HERC1: variants seen among roughly 807,000 people sequenced by gnomAD.
The protein encoded by HERC1 is probable E3 ubiquitin-protein ligase HERC1.
Under a neutral mutation model 554.3 loss-of-function variants are expected in HERC1, and 160 were observed. The ratio of observed to expected loss-of-function variants is 0.29; its 90% CI spans 0.25 to 0.33. The LOEUF (loss-of-function observed/expected upper bound fraction) is 0.33. Among genes scored for constraint, HERC1 ranks in the 10% least tolerant of loss-of-function variants. The pLI is 1.00. For missense variants in HERC1, 4,919 were observed against 5,918.5 expected, an observed-to-expected ratio of 0.83 and a Z score of 5.54; for synonymous variants, 2,175 against 2,131.7, an observed-to-expected ratio of 1.02 and a Z score of -0.56.
intron 1 of HERC1, among the ~76,000 whole-genome samples, chr15:63,784,232 T>C (rs1209825264): frequency 5.3e-5 from 8 of 151,188 alleles, no homozygotes; most frequent in Non-Finnish European, 8.9e-5. Context: ...CAGTGGAAAA[T>C]ATTTTCAAAT....
At chr15:63,769,233 C>T (rs745748562) in intron 2 of HERC1, among the ~76,000 whole-genome samples, 1 of 152,112 alleles carries the variant, frequency 6.6e-6, no homozygotes, top group South Asian at 2.1e-4. Flanking sequence ...GCCTGGCCAA[C>T]ATGGCAAAAC....
At chr15:63,654,632 C>T (rs1290820132) in intron 50 of HERC1, among the ~76,000 whole-genome samples, 1 of 151,738 alleles carries the variant, frequency 6.6e-6, no homozygotes, top group East Asian at 1.9e-4. Flanking sequence ...GTGGGAGGAT[C>T]ACCTGAGGTC....
intron 53 of HERC1, among the ~76,000 whole-genome samples, chr15:63,650,453 G>A (rs2069612290): frequency 6.8e-6 from 1 of 146,096 alleles, no homozygotes; most frequent in South Asian, 2.2e-4. Flanking sequence ...TTGCTGTGTT[G>A]CCCAGGTTGG....
chr15:63,658,501 C>T (rs761631167), intron 48 of HERC1, 43 bp downstream of exon 48: 57 of 1,555,728 alleles, frequency 3.7e-5, no homozygotes, highest in Non-Finnish European at 4.1e-5. Context: ...CTAATGTACA[C>T]TAGAAGTTAA....
intron 2 of HERC1, among the ~76,000 whole-genome samples, chr15:63,771,119 G>A (rs1472187222): frequency 1.3e-5 from 2 of 151,928 alleles, no homozygotes; most frequent in Non-Finnish European, 2.9e-5. Flanking sequence ...AACCCAGGAG[G>A]CAGAGGTTGC....
chr15:63,826,529 A>G (rs1350568076), intron 1 of HERC1, among the ~76,000 whole-genome samples: 4 of 151,942 alleles, frequency 2.6e-5, no homozygotes, highest in East Asian at 3.9e-4. Flanking sequence ...TTAAACCCCA[A>G]AAGTATTTTA....
chr15:63,726,631 A>G (rs1338064996), intron 17 of HERC1, among the ~76,000 whole-genome samples: 2 of 152,184 alleles, frequency 1.3e-5, no homozygotes, highest in African/African-American at 4.8e-5. Context: ...TCCAAAATGG[A>G]CTTAAGAAGA....
chr15:63,738,491 T>C (rs1402815518), intron 12 of HERC1, among the ~76,000 whole-genome samples: 2 of 152,288 alleles, frequency 1.3e-5, no homozygotes, highest in East Asian at 3.9e-4. Context: ...GGAAGGTGGG[T>C]GAGAGACATA....
In HERC1 at chr15:63,713,368, C is replaced by A. The variant is rs774995914; in HGVS notation, c.4448G>T (p.Gly1483Val). 1 of 1,613,656 alleles carries A rather than the reference C, an allele frequency of 6.2e-7. No homozygotes were observed. The highest frequency in any genetic ancestry group is 1.3e-5 in the African/African-American group (1 of 74,930). Residue 1483 changes from glycine to valine, a missense_variant, in exon 23 of 78, where the codon GGT becomes GTT. Gly to Val is a moderately radical substitution (Grantham distance 109). Coordinates refer to ENST00000443617, the MANE Select transcript of HERC1 (RefSeq NM_003922.4). The part of the protein sequence containing the change: ...QQPSTSASEG[G>V]GLMTRSESLT... ...TCAGTCCCACCTGGTCATAAGTCCA[C>A]CCCCTTCAGAGGCACTTGTTGAAGG...
In HERC1 at chr15:63,676,479, G is replaced by C. The variant is rs540880993; in HGVS notation, c.7071-1362C>G. ...CACTGTTTTAGATATTGTTCCGGCC[G>C]AGCGTGGTGGCTCATGTCTGTAATC... On this transcript the variant is annotated intron_variant, in intron 37 of 77. Transcript: ENST00000443617. Among the ~76,000 whole-genome samples the C allele has an allele frequency of 1.7e-4, 26 of 152,268 alleles. No individual in the cohort carries two copies. The South Asian group carries it at 5.4e-3, about 32-fold the overall frequency.
In HERC1 at chr15:63,680,475, T is replaced by A; in HGVS notation, c.6465+62A>T. On this transcript the variant is annotated intron_variant, in intron 35 of 77. Transcript: ENST00000443617. This position sits in a 1 kb window ranked among gnomAD's most constrained non-coding sequence, Gnocchi z 5.8. Reference sequence around the variant, plus strand: ...ATAAACTGAATACGTGGCACTTGAATAACCGAGTTGACTATAAATAGAAAC... The same window carrying A: ...ATAAACTGAATACGTGGCACTTGAAAAACCGAGTTGACTATAAATAGAAAC... 3.2e-6 allele frequency: 5 copies of A among 1,557,862 alleles called. No homozygotes were observed. In the South Asian group the frequency reaches 5.9e-5, roughly 18 times the overall value.
intron 1 of HERC1, among the ~76,000 whole-genome samples, chr15:63,814,647 T>C (rs1038698082): frequency 6.6e-6 from 1 of 152,162 alleles, no homozygotes; most frequent in Non-Finnish European, 1.5e-5. Flanking sequence ...TTTTGTATTT[T>C]TAGTAGAGAC....
chr15:63,650,600 G>C (rs538213043), intron 53 of HERC1, among the ~76,000 whole-genome samples: 110 of 152,036 alleles, frequency 7.2e-4, no homozygotes, highest in Non-Finnish European at 1.2e-4. Context: ...ACTATTAATA[G>C]GGCAAAATGG....
At chr15:63,721,294 C>T (rs930190391) in intron 19 of HERC1, among the ~76,000 whole-genome samples, 37 of 152,114 alleles carry the variant, frequency 2.4e-4, no homozygotes, top group African/African-American at 8.9e-4. Context: ...GAAGCCGAGG[C>T]GGATGGATCA....
At chr15:63,827,336 C>T (rs944111645) in intron 1 of HERC1, among the ~76,000 whole-genome samples, 1 of 151,744 alleles carries the variant, frequency 6.6e-6, no homozygotes, top group Non-Finnish European at 1.5e-5. Context: ...GAAGGAGGAT[C>T]GCTTAAGCCC....
chr15:63,734,490 A>T lies in HERC1; in HGVS notation c.2646+234T>A, dbSNP rs902572058. ...ACAGAGTGTCTGGCTTAGTACCATA[A>T]GAAACACTGGAAAAATTAGTCCTTA... On this transcript the variant is annotated intron_variant, in intron 13 of 77. Transcript: ENST00000443617. This position sits in a 1 kb window ranked among gnomAD's most constrained non-coding sequence, Gnocchi z 4.6. 3.9e-5 allele frequency among the ~76,000 whole-genome samples: 6 copies of T among 152,154 alleles called. No individual in the cohort carries two copies. The highest frequency in any genetic ancestry group is 1.4e-4 in the African/African-American group (6 of 41,432).
In HERC1 at chr15:63,680,411, G is replaced by C. The variant is rs140450623; in HGVS notation, c.6465+126C>G. 1 of 1,068,124 alleles carries C rather than the reference G, an allele frequency of 9.4e-7. No homozygotes were observed. Among genetic ancestry groups the C allele is most frequent in the African/African-American group, 1.6e-5 (1 of 62,408 alleles). 66.2% of individuals were successfully genotyped at this position (1,068,124 alleles called of 1,614,324 possible). On this transcript the variant is annotated intron_variant, in intron 35 of 77. Coordinates refer to ENST00000443617, the MANE Select transcript of HERC1 (RefSeq NM_003922.4). This position sits in a 1 kb window ranked among gnomAD's most constrained non-coding sequence, Gnocchi z 5.8. ...TTGTTAATAAATGTTTTAAGAACCA[G>C]AAAGTATTAGAGAGAAAGGAGAGAC... is the stretch of plus-strand genomic sequence containing the variant.
rs376338296 is a variant in HERC1, at chr15:63,677,821, A to G, written c.7070+24T>C. On this transcript the variant is annotated intron_variant, in intron 37 of 77. Transcript: ENST00000443617. The surrounding 1 kb of genome is among the most constrained non-coding windows in gnomAD (Gnocchi z 4.4). ...TTCACCATTAAATATTTGTTTGCTAAAAGTGTAACTCAACAGATCATACCT... is the reference window on the plus strand; with the variant it reads ...TTCACCATTAAATATTTGTTTGCTAGAAGTGTAACTCAACAGATCATACCT... The G allele has an allele frequency of 1.3e-6, 2 of 1,590,966 alleles. No individual in the cohort carries two copies. Among genetic ancestry groups the G allele is most frequent in the South Asian group, 1.1e-5 (1 of 88,342 alleles).
intron 68 of HERC1, among the ~76,000 whole-genome samples, chr15:63,631,498 C>T (rs1445748660): frequency 6.6e-6 from 1 of 152,184 alleles, no homozygotes; most frequent in Non-Finnish European, 1.5e-5. Flanking sequence ...AGTGACCTCT[C>T]TTCCCACTCC....
Sources: allele counts gnomAD v4.1 joint callset (sites outside exome capture counted in the v4.1 genomes callset), GRCh38; gene constraint gnomAD v4.1.1; non-coding constraint Gnocchi (gnomAD v3.1); transcripts MANE v1.5; gene names NCBI Gene and HGNC (gene_info 2026-07-23, HGNC 2026-07-21).